TRAPPC9: variants seen among roughly 807,000 people sequenced by gnomAD.
TRAPPC9 encodes the protein IKK2 binding protein.
In TRAPPC9, 83 loss-of-function variants were observed where a neutral mutation model predicts 124.0. The ratio of observed to expected loss-of-function variants is 0.67; its 90% confidence interval spans 0.56 to 0.80. TRAPPC9 has a LOEUF of 0.80. TRAPPC9 is among the 30% of genes least tolerant of loss of function. The pLI is 0.00. For missense variants in TRAPPC9, 1,302 were observed against 1,508.3 expected, an observed-to-expected ratio of 0.86 and a Z score of 2.27; for synonymous variants, 638 against 617.5, an observed-to-expected ratio of 1.03 and a Z score of -0.49.
chr8:140,260,141 A>G (rs796617889), intron 15 of TRAPPC9, among the ~76,000 whole-genome samples: 1 of 152,226 alleles, frequency 6.6e-6, no homozygotes, highest in African/African-American at 2.4e-5. Flanking sequence ...ACCTATACAC[A>G]CACATGCACG....
chr8:139,995,861 TAAAA>T (rs35970083), intron 18 of TRAPPC9, among the ~76,000 whole-genome samples: 2 of 96,884 alleles, frequency 2.1e-5, no homozygotes, highest in African/African-American at 4.6e-5. Flanking sequence ...TACTCTGCAT[TAAAA>T]AAAAAAAAAA....
chr8:139,899,213 G>A (rs1246665625), intron 20 of TRAPPC9, among the ~76,000 whole-genome samples: 1 of 151,546 alleles, frequency 6.6e-6, no homozygotes, highest in Non-Finnish European at 1.5e-5. Context: ...GGTCAGGGGT[G>A]TCTACCGCCT....
Position 140,252,717 on chromosome 8 carries a change from G to T in TRAPPC9, c.2431+60C>A. ...AGCAAACAGCAGGCATCAAGGGATG[G>T]GGGTTGCTACACAGTATCTAGGACC... On this transcript the variant is annotated intron_variant, in intron 16 of 22. Coordinates refer to ENST00000438773, the MANE Select transcript of TRAPPC9 (RefSeq NM_001160372.4). This position sits in a 1 kb window ranked among gnomAD's most constrained non-coding sequence, Gnocchi z 4.2. 1 of 1,591,530 alleles carries T rather than the reference G, an allele frequency of 6.3e-7. No individual in the cohort carries two copies.
intron 18 of TRAPPC9, among the ~76,000 whole-genome samples, chr8:140,006,028 A>G (rs7007245): frequency 0.64 from 97,769 of 152,012 alleles, 32,024 homozygotes; most frequent in African/African-American, 0.78. Flanking sequence ...AGGCAAAATG[A>G]CTGTGAAAAG....
intron 17 of TRAPPC9, among the ~76,000 whole-genome samples, chr8:140,168,866 T>C (rs151332933): frequency 2.6e-4 from 40 of 152,378 alleles, no homozygotes; most frequent in Non-Finnish European, 4.1e-4. Flanking sequence ...TTATTGTGTC[T>C]CCTTCACTAG....
intron 19 of TRAPPC9, among the ~76,000 whole-genome samples, chr8:139,953,738 T>C (rs1482836699): frequency 6.6e-6 from 1 of 152,130 alleles, no homozygotes; most frequent in Admixed American, 6.5e-5. Context: ...TTTATTTAAA[T>C]AAAGGGCCTG....
chr8:140,196,085 AAAAC>A (rs2062658315), intron 17 of TRAPPC9, among the ~76,000 whole-genome samples: 2 of 151,300 alleles, frequency 1.3e-5, no homozygotes, highest in East Asian at 1.9e-4. Context: ...CTGTGATACT[AAAAC>A]ACTCAATGAT....
chr8:139,764,787 T>C (rs1820480639), intron 21 of TRAPPC9, among the ~76,000 whole-genome samples: 1 of 152,118 alleles, frequency 6.6e-6, no homozygotes, highest in South Asian at 2.1e-4. Flanking sequence ...CCCCTACCCC[T>C]GAGCTGCCCA....
chr8:140,222,467 C>G (rs1258324364), intron 16 of TRAPPC9, among the ~76,000 whole-genome samples: 1 of 152,166 alleles, frequency 6.6e-6, no homozygotes, highest in Admixed American at 6.5e-5. Context: ...CTCAGAGTCA[C>G]TGTAGTTTTC....
chr8:140,146,876 A>AAG (rs1416513678), intron 17 of TRAPPC9, among the ~76,000 whole-genome samples: 1 of 151,924 alleles, frequency 6.6e-6, no homozygotes, highest in East Asian at 1.9e-4. Flanking sequence ...AAAAAAAAAA[A>AAG]AAAGGCAGGG....
intron 21 of TRAPPC9, among the ~76,000 whole-genome samples, chr8:139,738,667 C>T (rs543998501): frequency 6.6e-6 from 1 of 152,326 alleles, no homozygotes; most frequent in Non-Finnish European, 1.5e-5. Context: ...GGGTTATGTG[C>T]TGTTTAAGCC....
chr8:140,402,413 GGT>G (rs2069310534), intron 6 of TRAPPC9, among the ~76,000 whole-genome samples: 1 of 147,352 alleles, frequency 6.8e-6, no homozygotes, highest in Admixed American at 6.8e-5. Context: ...AAAAAAAATG[GGT>G]GGGTGCAGTG....
At chr8:140,042,784 T>C (rs1362264554) in intron 17 of TRAPPC9, among the ~76,000 whole-genome samples, 3 of 152,244 alleles carry the variant, frequency 2.0e-5, no homozygotes, top group Admixed American at 2.0e-4. Flanking sequence ...TTCGCAGTTA[T>C]TCAACGACTC....
At chr8:140,168,776 T>C (rs890828114) in intron 17 of TRAPPC9, among the ~76,000 whole-genome samples, 1 of 152,160 alleles carries the variant, frequency 6.6e-6, no homozygotes, top group African/African-American at 2.4e-5. Flanking sequence ...TGGGGTGCAT[T>C]TCACTCTCTC....
At chr8:140,273,474 C>T (rs1348238796) in intron 15 of TRAPPC9, among the ~76,000 whole-genome samples, 1 of 152,170 alleles carries the variant, frequency 6.6e-6, no homozygotes. Flanking sequence ...AGACAGGCCG[C>T]CCGTGTTTTT....
intron 8 of TRAPPC9, among the ~76,000 whole-genome samples, chr8:140,370,203 G>A (rs1215547097): frequency 2.0e-5 from 3 of 151,496 alleles, no homozygotes; most frequent in Admixed American, 6.6e-5. Context: ...GCAGTAGCAC[G>A]ATCCCAGCTC....
intron 17 of TRAPPC9, among the ~76,000 whole-genome samples, chr8:140,145,243 C>T (rs1024268914): frequency 3.9e-5 from 6 of 151,992 alleles, no homozygotes; most frequent in African/African-American, 1.4e-4. Flanking sequence ...ATCCTCTCAT[C>T]TACAAATAAG....
intron 19 of TRAPPC9, chr8:139,931,434 C>T (rs749848478): frequency 3.9e-5 from 6 of 152,198 alleles, no homozygotes; most frequent in Non-Finnish European, 8.8e-5. Flanking sequence ...TCCACAGAGG[C>T]TGGCACGCAC....
At chr8:139,744,183 ACT>A (rs1217115310) in intron 21 of TRAPPC9, among the ~76,000 whole-genome samples, 1 of 151,934 alleles carries the variant, frequency 6.6e-6, no homozygotes, top group Non-Finnish European at 1.5e-5. Context: ...TTTTATTTCA[ACT>A]CTTTATTGTA....
Sources: allele counts gnomAD v4.1 joint callset (sites outside exome capture counted in the v4.1 genomes callset), GRCh38; gene constraint gnomAD v4.1.1; non-coding constraint Gnocchi (gnomAD v3.1); transcripts MANE v1.5; gene names NCBI Gene and HGNC (gene_info 2026-07-23, HGNC 2026-07-21).